REEP1: variants seen among roughly 807,000 people sequenced by gnomAD.
The protein encoded by REEP1 is receptor expression-enhancing protein 1.
A neutral mutation model predicts 40.3 loss-of-function variants in REEP1; 22 were observed. The observed-to-expected ratio is 0.55, with a 90% CI of 0.39 to 0.78. The LOEUF is 0.78. Among genes scored for constraint, REEP1 ranks in the 30% least tolerant of loss-of-function variants. The pLI, the probability that REEP1 is intolerant of heterozygous loss-of-function variation, is 0.00. For synonymous variants in REEP1, 116 were observed against 139.2 expected, an observed-to-expected ratio of 0.83 and a Z score of 1.17; for missense variants, 280 against 361.1, an observed-to-expected ratio of 0.78 and a Z score of 1.82.
intron 1 of REEP1, chr2:86,336,695 C>G (rs376573874): frequency 1.3e-5 from 2 of 152,506 alleles, no homozygotes; most frequent in East Asian, 1.9e-4. Context: ...CCCACGCCCA[C>G]CCCCAATGAC....
At chr2:86,325,445 C>T (rs1425459042) in intron 1 of REEP1, among the ~76,000 whole-genome samples, 2 of 152,064 alleles carry the variant, frequency 1.3e-5, no homozygotes, top group East Asian at 3.8e-4. Flanking sequence ...TGAATGTTAC[C>T]TTATAAGGTA....
chr2:86,218,180 T>G (rs1344585478), intron 8 of REEP1, among the ~76,000 whole-genome samples: 1 of 152,196 alleles, frequency 6.6e-6, no homozygotes, highest in African/African-American at 2.4e-5. Context: ...GAGCCCCTCC[T>G]GCCACTGCCC....
intron 5 of REEP1, among the ~76,000 whole-genome samples, chr2:86,233,731 G>T (rs1675149564): frequency 6.6e-6 from 1 of 152,140 alleles, no homozygotes; most frequent in African/African-American, 2.4e-5. Flanking sequence ...GGAGCAAGAA[G>T]TGACAGGCAA....
In REEP1 at chr2:86,337,457, C is replaced by A. The variant is rs1472530658; in HGVS notation, c.32+22G>T. 8.0e-7 allele frequency: 1 copy of A among 1,249,104 alleles called. No individual in the cohort carries two copies. Among genetic ancestry groups the A allele is most frequent in the Admixed American group, 4.0e-5 (1 of 25,054 alleles). The allele number at this position is 1,249,104 out of a possible 1,614,324, so 77.4% of individuals were successfully genotyped here. A position where few individuals can be genotyped will look rare whatever the true frequency, so the allele number is the denominator to read the frequency against. On this transcript the variant is annotated intron_variant, in intron 1 of 8. Transcript: ENST00000538924. This position sits in a 1 kb window ranked among gnomAD's most constrained non-coding sequence, Gnocchi z 5.8. Reference sequence around the variant, plus strand: ...GGCGGGGAGGGAGGGGACGGAGGGGCGCGGGGGAGAAGGCCACTTACACCA... The same window carrying A: ...GGCGGGGAGGGAGGGGACGGAGGGGAGCGGGGGAGAAGGCCACTTACACCA...
intron 1 of REEP1, among the ~76,000 whole-genome samples, chr2:86,326,263 A>G (rs1157395569): frequency 6.6e-6 from 1 of 152,202 alleles, no homozygotes; most frequent in African/African-American, 2.4e-5. Context: ...TCAAATGGTC[A>G]AAAAAATGAG....
At chr2:86,330,476 C>A (rs1050684975) in intron 1 of REEP1, among the ~76,000 whole-genome samples, 4 of 149,896 alleles carry the variant, frequency 2.7e-5, no homozygotes, top group African/African-American at 4.9e-5. Context: ...GACAGGGTCT[C>A]ACTCTGTTGC....
intron 2 of REEP1, among the ~76,000 whole-genome samples, chr2:86,277,603 G>C (rs980079416): frequency 4.0e-5 from 6 of 151,054 alleles, no homozygotes; most frequent in Admixed American, 1.3e-4. Flanking sequence ...GCCCTACAGA[G>C]GCAAAACTGC....
intron 1 of REEP1, among the ~76,000 whole-genome samples, chr2:86,304,144 T>C (rs985387875): frequency 2.6e-5 from 4 of 152,080 alleles, no homozygotes; most frequent in African/African-American, 9.7e-5. Context: ...GAAGATCCCC[T>C]CTAAGGAAGG....
chr2:86,338,038 A>C (rs1447260392), upstream of REEP1: 2 of 1,537,210 alleles, frequency 1.3e-6, no homozygotes, highest in Admixed American at 3.9e-5. Flanking sequence ...ATCCAGACCT[A>C]ACCTCTTCAG....
chr2:86,329,360 G>T (rs1446994698), intron 1 of REEP1, among the ~76,000 whole-genome samples: 1 of 152,202 alleles, frequency 6.6e-6, no homozygotes, highest in African/African-American at 2.4e-5. Context: ...CCTTTGCCAG[G>T]GAACTGCCCT....
chr2:86,251,249 T>C (rs1676252705), intron 5 of REEP1: 1 of 152,878 alleles, frequency 6.5e-6, no homozygotes, highest in Admixed American at 6.5e-5. Flanking sequence ...TAATGACAAA[T>C]TGACGACAAC....
intron 1 of REEP1, among the ~76,000 whole-genome samples, chr2:86,303,240 A>C (rs1326419923): frequency 8.3e-6 from 1 of 120,552 alleles, no homozygotes. Flanking sequence ...TTTTTTGGAC[A>C]GAGTCTCGCT....
In REEP1 at chr2:86,301,231, C is replaced by A. The variant is rs529161815; in HGVS notation, c.33-18989G>T. Among the ~76,000 whole-genome samples the A allele has an allele frequency of 5.9e-5, 9 of 152,306 alleles. No homozygotes were observed. The East Asian group carries it at 1.7e-3, about 29-fold the overall frequency. ...TTCTCAGAGCTGATCACAGCACCAGCGGAAACCACAGCAGGCTTTTCCATG... is the reference window on the plus strand; with the variant it reads ...TTCTCAGAGCTGATCACAGCACCAGAGGAAACCACAGCAGGCTTTTCCATG... On this transcript the variant is annotated intron_variant, in intron 1 of 8. Coordinates refer to ENST00000538924, the MANE Select transcript of REEP1 (RefSeq NM_001371279.1).
At chr2:86,334,180 C>T (rs183134919) in intron 1 of REEP1, among the ~76,000 whole-genome samples, 3 of 152,298 alleles carry the variant, frequency 2.0e-5, no homozygotes, top group Non-Finnish European at 2.9e-5. Flanking sequence ...AAAATGCTCA[C>T]GGCCAGTAGC....
intron 1 of REEP1, among the ~76,000 whole-genome samples, chr2:86,316,525 G>T (rs1376128336): frequency 1.7e-5 from 2 of 114,330 alleles, no homozygotes; most frequent in African/African-American, 6.9e-5. Flanking sequence ...TCCAGCCCAG[G>T]CAACAAGAAC....
intron 1 of REEP1, among the ~76,000 whole-genome samples, chr2:86,285,564 T>A (rs1006866138): frequency 2.0e-5 from 3 of 152,176 alleles, no homozygotes; most frequent in Non-Finnish European, 4.4e-5. Context: ...AGGCTTAGCA[T>A]CATTACTTAC....
intron 1 of REEP1, among the ~76,000 whole-genome samples, chr2:86,291,903 G>A (rs568416196): frequency 4.5e-4 from 69 of 152,344 alleles, no homozygotes; most frequent in African/African-American, 1.5e-3. Context: ...TCTGATGCAA[G>A]CAGGAACAAA....
intron 2 of REEP1, among the ~76,000 whole-genome samples, chr2:86,264,758 A>C (rs1384901380): frequency 6.6e-6 from 1 of 152,350 alleles, no homozygotes; most frequent in Non-Finnish European, 1.5e-5. Flanking sequence ...AATGATAATA[A>C]ACACCAAACA....
At chr2:86,264,070 T>C (rs779354270) in intron 2 of REEP1, 29 bp from the exon 3 acceptor site, 9 of 1,570,652 alleles carry the variant, frequency 5.7e-6, no homozygotes, top group Non-Finnish European at 7.9e-6. Flanking sequence ...ACACAGCTGG[T>C]AGAAAAGGTC....
Sources: allele counts gnomAD v4.1 joint callset (sites outside exome capture counted in the v4.1 genomes callset), GRCh38; gene constraint gnomAD v4.1.1; non-coding constraint Gnocchi (gnomAD v3.1); transcripts MANE v1.5; gene names NCBI Gene and HGNC (gene_info 2026-07-23, HGNC 2026-07-21).